Variants in L2HGDH observed in about 807,000 individuals in gnomAD.
The protein encoded by L2HGDH is L-2-hydroxyglutarate dehydrogenase, also known as L-2-hydroxyglutarate dehydrogenase, mitochondrial.
In L2HGDH, 34 loss-of-function variants were observed where a neutral mutation model predicts 51.5. That is an observed-to-expected ratio of 0.66 (90% CI 0.50 to 0.88). The LOEUF (loss-of-function observed/expected upper bound fraction) is 0.88. Ranked by LOEUF, L2HGDH falls within the 40% of genes least tolerant of loss-of-function variation. The pLI, the probability that L2HGDH is intolerant of heterozygous loss-of-function variation, is 0.00. For synonymous variants in L2HGDH, 198 were observed against 197.9 expected, an observed-to-expected ratio of 1.00 and a Z score of -0.01; for missense variants, 558 against 571.9, an observed-to-expected ratio of 0.98 and a Z score of 0.25.
At chr14:50,301,796 T>TA (rs1417967091) in intron 3 of L2HGDH, among the ~76,000 whole-genome samples, 1 of 152,190 alleles carries the variant, frequency 6.6e-6, no homozygotes, top group Non-Finnish European at 1.5e-5. Flanking sequence ...CTGTGCACTT[T>TA]AAAAGGGCGA....
intron 5 of L2HGDH, among the ~76,000 whole-genome samples, chr14:50,280,873 G>C (rs977690082): frequency 2.0e-5 from 3 of 152,104 alleles, no homozygotes; most frequent in Non-Finnish European, 2.9e-5. Context: ...GCAGTGCAGT[G>C]ATGCAATTAT....
At chr14:50,259,808 T>C (rs1322517195) in intron 9 of L2HGDH, among the ~76,000 whole-genome samples, 1 of 151,932 alleles carries the variant, frequency 6.6e-6, no homozygotes, top group East Asian at 1.9e-4. Flanking sequence ...CACTCCAGCC[T>C]GGGAGACAGA....
intron 1 of L2HGDH, among the ~76,000 whole-genome samples, chr14:50,304,764 G>A (rs2030630490): frequency 1.3e-5 from 2 of 152,164 alleles, no homozygotes; most frequent in African/African-American, 2.4e-5. Context: ...GAACCCAGGA[G>A]GCGGAGCTTG....
intron 9 of L2HGDH, among the ~76,000 whole-genome samples, chr14:50,260,123 G>A (rs1329591619): frequency 6.6e-6 from 1 of 152,108 alleles, no homozygotes; most frequent in Non-Finnish European, 1.5e-5. Context: ...AGCACTTTGA[G>A]GGATTCTAGA....
chr14:50,278,308 T>C (rs756362073), intron 6 of L2HGDH, among the ~76,000 whole-genome samples: 6 of 152,222 alleles, frequency 3.9e-5, no homozygotes, highest in Non-Finnish European at 4.4e-5. Flanking sequence ...TATAATCCTG[T>C]TCTTTGCCAG....
In L2HGDH at chr14:50,312,081, G is replaced by A. The variant is rs749417358; in HGVS notation, c.70C>T (p.Pro24Ser). ...RARGLFAGGS[P>S]GACGFASGRP... is the part of the protein sequence containing the mutation. Reference sequence around the variant, plus strand: ...CCAGACGCGAACCCGCACGCCCCAGGGGAGCCACCGGCGAAAAGCCCGCGG... The same window carrying A: ...CCAGACGCGAACCCGCACGCCCCAGAGGAGCCACCGGCGAAAAGCCCGCGG... Residue 24 changes from proline (P) to serine (S), a missense_variant, in exon 1 of 10, where the codon CCT becomes TCT. This residue lies in a region of L2HGDH where 194 missense variants were observed against 187.2 expected (regional missense o/e 1.04). Coordinates refer to ENST00000267436, the MANE Select transcript of L2HGDH (RefSeq NM_024884.3). 4.4e-5 allele frequency: 71 copies of A among 1,604,700 alleles called. No individual in the cohort carries two copies. The highest frequency in any genetic ancestry group is 5.6e-5 in the Non-Finnish European group (66 of 1,176,836).
intron 9 of L2HGDH, among the ~76,000 whole-genome samples, chr14:50,265,148 A>G (rs969507611): frequency 6.6e-6 from 1 of 152,246 alleles, no homozygotes; most frequent in African/African-American, 2.4e-5. Flanking sequence ...ATAATTATAA[A>G]TGGACCAGCA....
intron 9 of L2HGDH, among the ~76,000 whole-genome samples, chr14:50,259,868 T>G (rs1183502229): frequency 2.6e-5 from 4 of 151,346 alleles, no homozygotes. Flanking sequence ...AACCAATAAT[T>G]GCTTAGTGTC....
rs1220919307 is a variant in L2HGDH, at chr14:50,242,782, T to C, written c.*4276A>G. ...TGACTTTACGATTACAACTCAAAAA[T>C]GTTTACAAGATCTTTAGATAATAGT... On this transcript the variant is annotated 3_prime_UTR_variant, in exon 10 of 10. Coordinates refer to ENST00000267436, the MANE Select transcript of L2HGDH (RefSeq NM_024884.3). The C allele has an allele frequency of 5.1e-6, 5 of 985,342 alleles. No homozygotes were observed. The highest frequency in any genetic ancestry group is 6.0e-6 in the Non-Finnish European group (5 of 829,944). 61.0% of individuals were successfully genotyped at this position (985,342 alleles called of 1,614,324 possible). A position where few individuals can be genotyped will look rare whatever the true frequency, so the allele number is the denominator to read the frequency against.
intron 3 of L2HGDH, among the ~76,000 whole-genome samples, chr14:50,295,790 G>C (rs928710738): frequency 2.7e-5 from 4 of 147,768 alleles, no homozygotes; most frequent in Admixed American, 6.9e-5. Flanking sequence ...CCAGGCTGGA[G>C]TGCAATGGCA....
At chr14:50,276,107 G>A (rs1701462138) in intron 6 of L2HGDH, among the ~76,000 whole-genome samples, 1 of 152,176 alleles carries the variant, frequency 6.6e-6, no homozygotes, top group South Asian at 2.1e-4. Flanking sequence ...AATATGCCTG[G>A]AATACACATC....
intron 4 of L2HGDH, among the ~76,000 whole-genome samples, chr14:50,292,834 G>A (rs1460522645): frequency 6.6e-6 from 1 of 151,946 alleles, no homozygotes; most frequent in Non-Finnish European, 1.5e-5. Flanking sequence ...GCAGTAAGCC[G>A]AGATGGTGGC....
intron 1 of L2HGDH, among the ~76,000 whole-genome samples, chr14:50,304,215 C>A (rs1242042968): frequency 6.6e-6 from 1 of 152,088 alleles, no homozygotes; most frequent in Non-Finnish European, 1.5e-5. Context: ...AAAAAAGGTA[C>A]AGAAAAAATA....
At chr14:50,296,800 T>C (rs780012481) in intron 3 of L2HGDH, among the ~76,000 whole-genome samples, 2 of 152,158 alleles carry the variant, frequency 1.3e-5, no homozygotes, top group Non-Finnish European at 2.9e-5. Context: ...ATATTTTGCC[T>C]TTTACCAAAA....
intron 4 of L2HGDH, among the ~76,000 whole-genome samples, chr14:50,284,250 C>G (rs1890440125): frequency 2.0e-5 from 3 of 152,114 alleles, no homozygotes; most frequent in African/African-American, 7.2e-5. Context: ...TACGTATCAT[C>G]AAACAATTAT....
In L2HGDH at chr14:50,294,006, G is replaced by A. The variant is rs189771486; in HGVS notation, c.540+109C>T. Reference sequence around the variant, plus strand: ...CTGTCACTTCACTACTTCTGTGACAGGATTATCTAACTGATTTTATATTAT... The same window carrying A: ...CTGTCACTTCACTACTTCTGTGACAAGATTATCTAACTGATTTTATATTAT... On this transcript the variant is annotated intron_variant, in intron 4 of 9. Transcript: ENST00000267436. 62 of 1,298,116 alleles carry A rather than the reference G, an allele frequency of 4.8e-5. No homozygotes were observed. The East Asian group carries it at 1.5e-3, about 31-fold the overall frequency. The allele number at this position is 1,298,116 out of a possible 1,614,324, so 80.4% of individuals were successfully genotyped here.
Position 50,278,851 on chromosome 14 carries a change from G to A in L2HGDH, c.704-297C>T, listed in dbSNP as rs185130746. Among the ~76,000 whole-genome samples the A allele has an allele frequency of 8.8e-4, 134 of 152,188 alleles. No homozygotes were observed. The East Asian group carries it at 0.013, about 14-fold the overall frequency. ...TCTCTGAACTATAATCCTGGAAACC[G>A]CAATGTAAAATGGATAATCATAAAT... On this transcript the variant is annotated intron_variant, in intron 5 of 9. Coordinates refer to ENST00000267436, the MANE Select transcript of L2HGDH (RefSeq NM_024884.3).
At position 50,273,756 on chromosome 14, in the gene L2HGDH, T is replaced by C. The variant is rs59778994; in HGVS notation, c.739-4426A>G. 2.7e-3 allele frequency among the ~76,000 whole-genome samples: 415 copies of C among 152,166 alleles called. 1 individual carries two copies. Among genetic ancestry groups the C allele is most frequent in the African/African-American group, 9.5e-3 (393 of 41,526 alleles). On this transcript the variant is annotated intron_variant, in intron 6 of 9. Coordinates refer to ENST00000267436, the MANE Select transcript of L2HGDH (RefSeq NM_024884.3). ...AATGTAAGAAACTCATATAATTCAATAGCAAAAGAACAAATGAGCCGATTA... is the reference window on the plus strand; with the variant it reads ...AATGTAAGAAACTCATATAATTCAACAGCAAAAGAACAAATGAGCCGATTA...
At chr14:50,304,320 T>C (rs1213960155) in intron 1 of L2HGDH, among the ~76,000 whole-genome samples, 2 of 152,234 alleles carry the variant, frequency 1.3e-5, no homozygotes, top group South Asian at 2.1e-4. Context: ...GTGTTAAGCA[T>C]AGTCATGATT....
Sources: allele counts gnomAD v4.1 joint callset (sites outside exome capture counted in the v4.1 genomes callset), GRCh38; gene constraint gnomAD v4.1.1; regional missense constraint gnomAD v4.1.1; transcripts MANE v1.5; gene names NCBI Gene and HGNC (gene_info 2026-07-23, HGNC 2026-07-21).